The following UTRN variants were observed in gnomAD, a reference collection of about 807,000 sequenced individuals.
UTRN encodes the protein utrophin, also known as dystrophin-related protein 1.
UTRN carries 283 observed loss-of-function variants against 463.9 expected under a neutral mutation model. The ratio of observed to expected loss-of-function variants is 0.61; its 90% CI spans 0.55 to 0.67. UTRN has a LOEUF of 0.67. UTRN is among the 30% of genes least tolerant of loss of function. The probability of loss-of-function intolerance (pLI) is 0.00; values close to 1 mark genes in which losing one functional copy is unlikely to be tolerated. For missense variants in UTRN, 3,922 were observed against 4,084.3 expected, an observed-to-expected ratio of 0.96 and a Z score of 1.08; for synonymous variants, 1,442 against 1,431.5, an observed-to-expected ratio of 1.01 and a Z score of -0.17.
chr6:144,584,041 A>G (rs2128628084), intron 51 of UTRN, among the ~76,000 whole-genome samples: 1 of 152,314 alleles, frequency 6.6e-6, no homozygotes, highest in Admixed American at 6.5e-5. Context: ...TGCTTTTTCA[A>G]TTAAAACAAT....
At chr6:144,754,906 A>T in intron 57 of UTRN, 108 bp downstream of exon 57, 1 of 1,073,656 alleles carries the variant, frequency 9.3e-7, no homozygotes. Flanking sequence ...TTATTTAGAT[A>T]GATCCTTGTA....
chr6:144,785,827 T>C (rs1418564862), intron 61 of UTRN, among the ~76,000 whole-genome samples: 1 of 152,244 alleles, frequency 6.6e-6, no homozygotes, highest in Non-Finnish European at 1.5e-5. Context: ...ATTTCATTTA[T>C]GAATTTGCAG....
chr6:144,395,196 T>A (rs1487780962), intron 2 of UTRN, among the ~76,000 whole-genome samples: 1 of 152,170 alleles, frequency 6.6e-6, no homozygotes, highest in East Asian at 1.9e-4. Flanking sequence ...CAGTGACTCA[T>A]ATCATTATGA....
At chr6:144,400,536 T>C (rs1782849604) in intron 2 of UTRN, among the ~76,000 whole-genome samples, 1 of 152,196 alleles carries the variant, frequency 6.6e-6, no homozygotes, top group African/African-American at 2.4e-5. Context: ...CATTTCAATC[T>C]CATAATTGAA....
At position 144,489,197 on chromosome 6, in the gene UTRN, G is replaced by A. The variant is rs531942664; in HGVS notation, c.4134+363G>A. On this transcript the variant is annotated intron_variant, in intron 30 of 74. Transcript: ENST00000367545. ...CCCGAATAACTGGGACTACAAGCAC[G>A]CGCCACCACGCCCGGCTAATTTTTT... 1.8e-4 allele frequency among the ~76,000 whole-genome samples: 28 copies of A among 152,076 alleles called. No homozygotes were observed. The South Asian group carries it at 4.8e-3, about 26-fold the overall frequency.
chr6:144,571,138 T>G (rs1043291649), intron 50 of UTRN, among the ~76,000 whole-genome samples: 4 of 152,208 alleles, frequency 2.6e-5, no homozygotes, highest in African/African-American at 9.6e-5. Context: ...CTGTGTGTAG[T>G]GGATTGATTG....
intron 53 of UTRN, among the ~76,000 whole-genome samples, chr6:144,717,633 TC>T (rs59447014): frequency 0.12 from 9,412 of 79,104 alleles, 1,964 homozygotes; most frequent in African/African-American, 0.46. Context: ...TTTTCTTTTT[TC>T]TTTTTTTTTT....
At chr6:144,534,938 G>A (rs1159648250) in intron 43 of UTRN, among the ~76,000 whole-genome samples, 4 of 152,178 alleles carry the variant, frequency 2.6e-5, no homozygotes, top group Admixed American at 6.5e-5. Context: ...TAGCATCGTC[G>A]TGTGAGAGAT....
At chr6:144,483,971 T>C (rs1361409207) in intron 27 of UTRN, among the ~76,000 whole-genome samples, 1 of 152,034 alleles carries the variant, frequency 6.6e-6, no homozygotes, top group Non-Finnish European at 1.5e-5. Context: ...ATATGGAGAG[T>C]GGACCGGCAG....
At chr6:144,430,670 A>G (rs747566117) in intron 9 of UTRN, among the ~76,000 whole-genome samples, 2 of 152,172 alleles carry the variant, frequency 1.3e-5, no homozygotes, top group African/African-American at 2.4e-5. Context: ...CTAAAATGAC[A>G]TTAATAAACA....
chr6:144,512,742 T>C (rs1230285181), intron 35 of UTRN, among the ~76,000 whole-genome samples: 3 of 151,986 alleles, frequency 2.0e-5, no homozygotes, highest in Non-Finnish European at 4.4e-5. Flanking sequence ...GGTTTCACCA[T>C]GTTGTCCAGG....
rs773304436 is a variant in UTRN, at chr6:144,730,442, T to C, written c.7895T>C (p.Ile2632Thr). The change falls in exon 54 of 75, where the codon ATT becomes ACT. Residue 2632 changes from isoleucine (I) to threonine (T), a missense_variant. Around this residue, in one of 3 missense-constraint regions of UTRN, gnomAD observed 1,309 missense variants for 1,452.6 expected, o/e 0.90. Coordinates refer to ENST00000367545, the MANE Select transcript of UTRN (RefSeq NM_007124.3). Reference sequence around the variant, plus strand: ...CGAGTTTTCTTGGCTGATCAGCCAATTGAGGCCCCTGAAGAGCCAAGAAGA... The same window carrying C: ...CGAGTTTTCTTGGCTGATCAGCCAACTGAGGCCCCTGAAGAGCCAAGAAGA... ...QARVFLADQP[I>T]EAPEEPRRNL... 1.9e-6 allele frequency: 3 copies of C among 1,611,132 alleles called. No individual in the cohort carries two copies. The highest frequency in any genetic ancestry group is 2.2e-5 in the East Asian group (1 of 44,532).
intron 51 of UTRN, among the ~76,000 whole-genome samples, chr6:144,609,464 A>G (rs1166054646): frequency 6.6e-6 from 1 of 152,234 alleles, no homozygotes; most frequent in East Asian, 1.9e-4. Flanking sequence ...ACCTGAAGGG[A>G]TACGTAGACT....
Position 144,468,621 on chromosome 6 carries a change from C to T in UTRN, c.3067-5099C>T, listed in dbSNP as rs1026077935. The stretch of plus-strand genomic sequence containing the variant: ...GTGTGTGTGTGTGTGTGTGTGCATG[C>T]GTGTGTTCTGTAAGCAGATGGAGGT... On this transcript the variant is annotated intron_variant, in intron 23 of 74. Transcript: ENST00000367545. Among the ~76,000 whole-genome samples the T allele has an allele frequency of 8.0e-5, 12 of 150,168 alleles. No individual in the cohort carries two copies. In the South Asian group the frequency reaches 1.0e-3, roughly 13 times the overall value.
chr6:144,326,924 C>T (rs1776010297), intron 2 of UTRN, among the ~76,000 whole-genome samples: 1 of 152,188 alleles, frequency 6.6e-6, no homozygotes, highest in East Asian at 1.9e-4. Context: ...ACTTGGCATT[C>T]TTTCTGCGTC....
At position 144,820,924 on chromosome 6, in the gene UTRN, A is replaced by G; in HGVS notation, c.9400A>G (p.Lys3134Glu). The G allele has an allele frequency of 6.2e-7, 1 of 1,613,948 alleles. No individual in the cohort carries two copies. The highest frequency in any genetic ancestry group is 8.5e-7 in the Non-Finnish European group (1 of 1,179,870). ...EDVRDFTKVL[K>E]NKFRSKKYFA... ...TGTACGAGACTTCACAAAGGTACTT[A>G]AGAACAAGTTCAGGTCGAAGAAGTA... Residue 3134 changes from lysine (K) to glutamate (E), a missense_variant, in exon 66 of 75, where the codon AAG (lysine) becomes GAG (glutamate). Around this residue, in one of 3 missense-constraint regions of UTRN, gnomAD observed 1,309 missense variants for 1,452.6 expected, o/e 0.90. Transcript: ENST00000367545.
At chr6:144,360,658 G>T (rs768255002) in intron 2 of UTRN, among the ~76,000 whole-genome samples, 2 of 152,142 alleles carry the variant, frequency 1.3e-5, no homozygotes, top group Non-Finnish European at 2.9e-5. Flanking sequence ...AAGTGTCAGC[G>T]CCCAGCAACC....
chr6:144,611,389 A>G (rs948192455), intron 51 of UTRN, among the ~76,000 whole-genome samples: 2 of 152,222 alleles, frequency 1.3e-5, no homozygotes, highest in Admixed American at 1.3e-4. Flanking sequence ...AGGGAAAGAA[A>G]TTAAAGGCAT....
chr6:144,754,782 T>C lies in UTRN; in HGVS notation c.8418T>C (p.Ser2806=). The part of the protein sequence containing the change: ...QEAHRDFGPS[S]QHFLSTSVQL... ...CCCACAGAGATTTTGGACCATCCTC[T>C]CAGCATTTTCTCTCTAGTAAGTACT... The change falls in exon 57 of 75, where the codon TCT becomes TCC. Residue 2806 remains serine (S), a synonymous_variant. Transcript: ENST00000367545. 6.2e-7 allele frequency: 1 copy of C among 1,613,612 alleles called. No homozygotes were observed. Among genetic ancestry groups the C allele is most frequent in the Non-Finnish European group, 8.5e-7 (1 of 1,179,712 alleles).
Sources: gnomAD v4.1 joint callset for allele counts (sites outside exome capture counted in the v4.1 genomes callset) on GRCh38, gnomAD v4.1.1 for gene constraint, gnomAD v4.1.1 regional missense constraint, MANE v1.5 for transcripts, NCBI Gene and HGNC (gene_info 2026-07-23, HGNC 2026-07-21) for gene names.